The following OSBPL5 variants were observed in gnomAD, a reference collection of about 807,000 sequenced individuals.
OSBPL5 encodes the protein oxysterol binding protein like 5.
In OSBPL5, 71 loss-of-function variants were observed where a neutral mutation model predicts 111.2. The observed-to-expected ratio is 0.64, with a 90% CI of 0.53 to 0.78. The LOEUF (loss-of-function observed/expected upper bound fraction) is 0.78. Among genes scored for constraint, OSBPL5 ranks in the 30% least tolerant of loss-of-function variants. The pLI is 0.00. For synonymous variants in OSBPL5, 549 were observed against 513.9 expected (o/e 1.07, Z -0.93); for missense variants, 1,210 against 1,189.3 (o/e 1.02, Z -0.26).
chr11:3,144,913 G>C (rs1459488982), intron 1 of OSBPL5, among the ~76,000 whole-genome samples: 1 of 152,234 alleles, frequency 6.6e-6, no homozygotes, highest in Non-Finnish European at 1.5e-5. Context: ...GTACAGACCC[G>C]GATTCCAAGC....
At chr11:3,133,420 G>T (rs1318145135) in intron 1 of OSBPL5, among the ~76,000 whole-genome samples, 2 of 152,248 alleles carry the variant, frequency 1.3e-5, no homozygotes. Context: ...CCACTGCCCT[G>T]CACTGCCTGC....
intron 1 of OSBPL5, among the ~76,000 whole-genome samples, chr11:3,157,552 T>C (rs1258719430): frequency 6.6e-6 from 1 of 152,102 alleles, no homozygotes; most frequent in African/African-American, 2.4e-5. Flanking sequence ...CCAGCCAGCT[T>C]GACTGGGGTG....
chr11:3,118,796 T>C (rs2134451423), intron 7 of OSBPL5, among the ~76,000 whole-genome samples: 1 of 152,156 alleles, frequency 6.6e-6, no homozygotes, highest in Non-Finnish European at 1.5e-5. Context: ...GTCAAACTCC[T>C]GACCTCAGGT....
At position 3,110,174 on chromosome 11, in the gene OSBPL5, C is replaced by T. The variant is rs1404453011; in HGVS notation, c.692-2229G>A. On this transcript the variant is annotated intron_variant, in intron 7 of 21. Transcript: ENST00000263650. This position sits in a 1 kb window ranked among gnomAD's most constrained non-coding sequence, Gnocchi z 5.3. The stretch of plus-strand genomic sequence containing the variant: ...TCCAACCTGAGAGGCACCGGAGCCC[C>T]GTGGTCAAGGCCAGACTGCTTTAGG... Among the ~76,000 whole-genome samples the T allele has an allele frequency of 6.6e-6, 1 of 152,158 alleles. No homozygotes were observed. Among genetic ancestry groups the T allele is most frequent in the Non-Finnish European group, 1.5e-5 (1 of 68,026 alleles).
At chr11:3,136,812 G>A (rs1845960473) in intron 1 of OSBPL5, among the ~76,000 whole-genome samples, 1 of 152,254 alleles carries the variant, frequency 6.6e-6, no homozygotes, top group Non-Finnish European at 1.5e-5. Context: ...GGAGGCTCTG[G>A]CCACTGGGGT....
rs150064967 is a variant in OSBPL5, at chr11:3,100,198, G to C, written c.1581C>G (p.Ala527=). The C allele has an allele frequency of 3.7e-6, 6 of 1,614,084 alleles. No homozygotes were observed. Among genetic ancestry groups the C allele is most frequent in the East Asian group, 2.2e-5 (1 of 44,872 alleles). ...AGGGCATGGTAAGGGTGTAATCCTC[G>C]GCTCGGTTCAGGAAGGTGAGCGTGG... The part of the protein sequence containing the change: ...GKATLTFLNR[A]EDYTLTMPYA... The change falls in exon 14 of 22, where the codon GCC becomes GCG. Residue 527 remains alanine (A), a synonymous_variant. Transcript: ENST00000263650.
At chr11:3,094,550 GGT>G (rs1857189811) in intron 14 of OSBPL5, 43 of 462,326 alleles carry the variant, frequency 9.3e-5, no homozygotes, top group Admixed American at 6.0e-4. Flanking sequence ...GAGCCTGGGA[GGT>G]GCGGAGCCTG....
chr11:3,138,991 G>A (rs190251630), intron 1 of OSBPL5, among the ~76,000 whole-genome samples: 60 of 152,352 alleles, frequency 3.9e-4, no homozygotes, highest in African/African-American at 1.3e-3. Context: ...ACTGAGGTCC[G>A]TCTCCGCCCT....
intron 1 of OSBPL5, among the ~76,000 whole-genome samples, chr11:3,157,063 T>A (rs1447170416): frequency 6.6e-6 from 1 of 152,200 alleles, no homozygotes. Context: ...GGTCAGAACG[T>A]GAAGGATGCC....
chr11:3,093,262 C>T (rs974916599), intron 17 of OSBPL5: 3 of 735,106 alleles, frequency 4.1e-6, no homozygotes, highest in Non-Finnish European at 6.5e-6. Context: ...CTCCCGCCTG[C>T]AGGGACCTCC....
intron 1 of OSBPL5, among the ~76,000 whole-genome samples, chr11:3,158,048 G>A (rs1846835263): frequency 1.3e-5 from 2 of 152,224 alleles, no homozygotes; most frequent in African/African-American, 2.4e-5. Flanking sequence ...CACTGTAATG[G>A]GACAAACAAC....
intron 1 of OSBPL5, among the ~76,000 whole-genome samples, chr11:3,139,332 G>C (rs1285807938): frequency 6.6e-6 from 1 of 152,210 alleles, no homozygotes; most frequent in African/African-American, 2.4e-5. Flanking sequence ...GCTGGGGTCT[G>C]CCAGGGGCAT....
intron 15 of OSBPL5, 52 bp downstream of exon 15, chr11:3,094,185 A>G: frequency 1.3e-6 from 2 of 1,553,834 alleles, no homozygotes; most frequent in Non-Finnish European, 1.8e-6. Context: ...GGGATCCCCA[A>G]GGCTTCGTTC....
rs117750155 is a variant in OSBPL5, at chr11:3,107,627, C to T, written c.866+144G>A. ...CGTTTTAGAGGAAGGAACCGAGGCTCCCAGGGCACACTGCAGCGAACAAGT... is the reference window on the plus strand; with the variant it reads ...CGTTTTAGAGGAAGGAACCGAGGCTTCCAGGGCACACTGCAGCGAACAAGT... On this transcript the variant is annotated intron_variant, in intron 8 of 21. Transcript: ENST00000263650. The surrounding 1 kb of genome is among the most constrained non-coding windows in gnomAD (Gnocchi z 6.1). The T allele has an allele frequency of 4.0e-3, 5,512 of 1,371,022 alleles. 176 individuals are homozygous for T. In the Admixed American group the frequency reaches 0.065, roughly 16 times the overall value. The allele number at this position is 1,371,022 out of a possible 1,614,324, so 84.9% of individuals were successfully genotyped here.
intron 1 of OSBPL5, among the ~76,000 whole-genome samples, chr11:3,143,167 G>A (rs1306907628): frequency 8.3e-6 from 1 of 120,562 alleles, no homozygotes; most frequent in Non-Finnish European, 1.8e-5. Flanking sequence ...GAGCCGGGCA[G>A]AGGAGGCAGG....
chr11:3,131,527 TCATCCATC>T (rs202208643), intron 1 of OSBPL5, among the ~76,000 whole-genome samples: 1 of 117,502 alleles, frequency 8.5e-6, no homozygotes, highest in South Asian at 2.9e-4. Flanking sequence ...ATCCACCCAT[TCATCCATC>T]CATCCATCCA....
At chr11:3,122,289 C>G (rs948700674) in intron 4 of OSBPL5, 59 bp downstream of exon 4, 16 of 1,561,160 alleles carry the variant, frequency 1.0e-5, no homozygotes, top group African/African-American at 2.7e-5. Flanking sequence ...ACCTCCCTGG[C>G]TCAGGTGGCC....
At chr11:3,131,563 T>TC (rs1564849816) in intron 1 of OSBPL5, among the ~76,000 whole-genome samples, 76 of 119,272 alleles carry the variant, frequency 6.4e-4, no homozygotes, top group Non-Finnish European at 7.8e-4. Context: ...ACCCATTCAT[T>TC]CATCCATCCA....
intron 7 of OSBPL5, among the ~76,000 whole-genome samples, chr11:3,112,353 C>T (rs534689600): frequency 6.6e-6 from 1 of 152,256 alleles, no homozygotes; most frequent in East Asian, 1.9e-4. Flanking sequence ...GAGAGGGTGC[C>T]AGACTCCCCT....
Sources: gnomAD v4.1 joint callset for allele counts (sites outside exome capture counted in the v4.1 genomes callset) on GRCh38, gnomAD v4.1.1 for gene constraint, Gnocchi (gnomAD v3.1) non-coding constraint, MANE v1.5 for transcripts, NCBI Gene and HGNC (gene_info 2026-07-23, HGNC 2026-07-21) for gene names.